Variants in INPP5A observed in about 807,000 individuals in gnomAD.
INPP5A encodes the protein 43 kDa inositol polyphosphate 5-phophatase.
INPP5A carries 14 observed loss-of-function variants against 65.2 expected under a neutral mutation model. The ratio of observed to expected loss-of-function variants is 0.21; its 90% CI spans 0.14 to 0.34. The LOEUF (loss-of-function observed/expected upper bound fraction) is 0.34. INPP5A is among the 10% of genes least tolerant of loss of function. INPP5A has a pLI of 1.00. For synonymous variants in INPP5A, 207 were observed against 208.3 expected, an observed-to-expected ratio of 0.99 and a Z score of 0.05; for missense variants, 431 against 545.6, an observed-to-expected ratio of 0.79 and a Z score of 2.09.
intron 6 of INPP5A, among the ~76,000 whole-genome samples, chr10:132,702,993 G>C (rs1845460837): frequency 6.6e-6 from 1 of 151,636 alleles, no homozygotes; most frequent in Non-Finnish European, 1.5e-5. Flanking sequence ...CTGGTTAGGA[G>C]CGGCCTCCAG....
intron 2 of INPP5A, among the ~76,000 whole-genome samples, chr10:132,635,092 G>A (rs181819951): frequency 5.8e-4 from 89 of 152,314 alleles, no homozygotes; most frequent in South Asian, 4.1e-4. Flanking sequence ...TTTTGATGGC[G>A]CATATTTGAA....
At chr10:132,557,832 C>A (rs2071146732) in intron 1 of INPP5A, among the ~76,000 whole-genome samples, 1 of 152,146 alleles carries the variant, frequency 6.6e-6, no homozygotes, top group African/African-American at 2.4e-5. Flanking sequence ...GTGCATCTTA[C>A]CCTGGGTCTC....
In INPP5A at chr10:132,782,260, T is replaced by G. The variant is rs1847178102; in HGVS notation, c.*231T>G. 1 of 454,670 alleles carries G rather than the reference T, an allele frequency of 2.2e-6. No homozygotes were observed. The highest frequency in any genetic ancestry group is 2.0e-5 in the African/African-American group (1 of 49,112). 28.2% of individuals were successfully genotyped at this position (454,670 alleles called of 1,614,324 possible). ...TAAGTAGAAATATTGGTTTTTTTTT[T>G]TTTTTTTTAAATAAGTCACAGTCCT... On this transcript the variant is annotated 3_prime_UTR_variant, in exon 16 of 16. Transcript: ENST00000368594. This position sits in a 1 kb window ranked among gnomAD's most constrained non-coding sequence, Gnocchi z 4.4.
chr10:132,662,794 A>G (rs1187453570), intron 4 of INPP5A, among the ~76,000 whole-genome samples: 4 of 152,206 alleles, frequency 2.6e-5, no homozygotes, highest in East Asian at 1.9e-4. Context: ...TAGTTTAGCA[A>G]ACACAATCCA....
rs190667518 is a variant in INPP5A at position 132,604,454 on chromosome 10, T to G, written c.76-3461T>G. Among the ~76,000 whole-genome samples, 170 of 152,268 alleles carry G rather than the reference T, an allele frequency of 1.1e-3. 1 individual carries two copies. Among genetic ancestry groups the G allele is most frequent in the Non-Finnish European group, 1.6e-3 (107 of 68,036 alleles). On this transcript the variant is annotated intron_variant, in intron 1 of 15. Transcript: ENST00000368594. ...GGAGCGAGGATGCAGTCAGACCCTGTTTTGTTGCCTCTGGAGCATCCTTCT... is the reference window on the plus strand; with the variant it reads ...GGAGCGAGGATGCAGTCAGACCCTGGTTTGTTGCCTCTGGAGCATCCTTCT...
Position 132,547,576 on chromosome 10 carries a change from C to T in INPP5A, c.75+9405C>T, listed in dbSNP as rs748027178. ...GGAGGCCGGGCACCTGCACCCTCGC[C>T]GTCGCCCTGGGCTGACCTCCCATCT... On this transcript the variant is annotated intron_variant, in intron 1 of 15. Coordinates refer to ENST00000368594, the MANE Select transcript of INPP5A (RefSeq NM_005539.5). The surrounding 1 kb of genome is among the most constrained non-coding windows in gnomAD (Gnocchi z 5.5). Among the ~76,000 whole-genome samples the T allele has an allele frequency of 2.6e-5, 4 of 152,182 alleles. No homozygotes were observed. Among genetic ancestry groups the T allele is most frequent in the Non-Finnish European group, 5.9e-5 (4 of 68,012 alleles).
chr10:132,571,690 C>T (rs901878598), intron 1 of INPP5A, among the ~76,000 whole-genome samples: 8 of 152,352 alleles, frequency 5.3e-5, no homozygotes, highest in South Asian at 2.1e-4. Context: ...CTGTCATCCC[C>T]GCAGCCCTGA....
intron 4 of INPP5A, among the ~76,000 whole-genome samples, chr10:132,666,365 G>A (rs1035663001): frequency 6.6e-6 from 1 of 152,192 alleles, no homozygotes; most frequent in African/African-American, 2.4e-5. Context: ...GTCATCGTAG[G>A]CAGTAGGGAG....
At chr10:132,728,536 C>A (rs1037408500) in intron 9 of INPP5A, among the ~76,000 whole-genome samples, 2 of 152,250 alleles carry the variant, frequency 1.3e-5, no homozygotes, top group African/African-American at 4.8e-5. Context: ...GCGGCATTTC[C>A]GGCAGGTCTG....
intron 2 of INPP5A, among the ~76,000 whole-genome samples, chr10:132,625,085 A>T (rs1453199098): frequency 6.9e-6 from 1 of 144,370 alleles, no homozygotes; most frequent in Admixed American, 6.9e-5. Flanking sequence ...TGAGCCTTGG[A>T]GGCCCCGCCC....
chr10:132,625,116 C>A, intron 2 of INPP5A, among the ~76,000 whole-genome samples: 1 of 127,128 alleles, frequency 7.9e-6, no homozygotes, highest in Non-Finnish European at 1.7e-5. Context: ...TCCCTCCCCC[C>A]TCCCCCTCCC....
At chr10:132,608,061 C>G in intron 2 of INPP5A, 105 bp downstream of exon 2, 1 of 1,006,820 alleles carries the variant, frequency 9.9e-7, no homozygotes, top group Non-Finnish European at 1.5e-6. Flanking sequence ...ATGGGGAGCG[C>G]AGGCCTGGGC....
intron 8 of INPP5A, 149 bp from the exon 9 acceptor site, chr10:132,726,672 G>A: frequency 1.7e-6 from 1 of 585,380 alleles, no homozygotes; most frequent in Non-Finnish European, 3.1e-6. Context: ...TGAATTTTGG[G>A]TGTGCAAAGA....
intron 11 of INPP5A, among the ~76,000 whole-genome samples, chr10:132,760,952 A>G (rs1041984912): frequency 1.3e-5 from 2 of 152,242 alleles, no homozygotes; most frequent in Non-Finnish European, 2.9e-5. Context: ...AGAATTTGGC[A>G]TCTGGTGAGA....
At chr10:132,682,268 G>T (rs1002410539) in intron 4 of INPP5A, among the ~76,000 whole-genome samples, 2 of 150,050 alleles carry the variant, frequency 1.3e-5, no homozygotes, top group Non-Finnish European at 3.0e-5. Flanking sequence ...TGCTGGTCGG[G>T]AACAGTCTCA....
chr10:132,728,828 G>T (rs1202718647), intron 9 of INPP5A, among the ~76,000 whole-genome samples: 2 of 152,182 alleles, frequency 1.3e-5, no homozygotes, highest in African/African-American at 4.8e-5. Context: ...GCAGCCGCGG[G>T]AGCCTCCCTG....
intron 1 of INPP5A, among the ~76,000 whole-genome samples, chr10:132,604,859 G>C (rs991121250): frequency 3.9e-5 from 6 of 152,226 alleles, no homozygotes; most frequent in African/African-American, 1.4e-4. Context: ...TGCAAAGAGA[G>C]AGTGCAAAGG....
intron 1 of INPP5A, among the ~76,000 whole-genome samples, chr10:132,573,956 C>T (rs71481925): frequency 8.3e-6 from 1 of 120,772 alleles, no homozygotes; most frequent in Non-Finnish European, 1.7e-5. Flanking sequence ...GTGTGTGTGC[C>T]GTGTGAGGTT....
chr10:132,772,422 A>G (rs1846970668), intron 12 of INPP5A, among the ~76,000 whole-genome samples: 1 of 118,794 alleles, frequency 8.4e-6, no homozygotes, highest in African/African-American at 3.4e-5. Flanking sequence ...GAGGAGTGGG[A>G]CAGACACTCA....
Sources: allele counts gnomAD v4.1 joint callset (sites outside exome capture counted in the v4.1 genomes callset), GRCh38; gene constraint gnomAD v4.1.1; non-coding constraint Gnocchi (gnomAD v3.1); transcripts MANE v1.5; gene names NCBI Gene and HGNC (gene_info 2026-07-23, HGNC 2026-07-21).